VWDE: variants seen among roughly 807,000 people sequenced by gnomAD.
VWDE encodes von Willebrand factor D and EGF domain-containing protein.
In VWDE, 207 loss-of-function variants were observed where a neutral mutation model predicts 178.4. The ratio of observed to expected loss-of-function variants is 1.16; its 90% confidence interval spans 1.04 to 1.30. The LOEUF (loss-of-function observed/expected upper bound fraction) is 1.30, where lower values mean the gene tolerates loss of function less well. Ranked by LOEUF, VWDE falls within the 50% of genes most tolerant of loss-of-function variation. VWDE has a pLI of 0.00. For synonymous variants in VWDE, 738 were observed against 651.4 expected (o/e 1.13, Z -2.02); for missense variants, 2,287 against 1,901.3 (o/e 1.20, Z -3.77).
rs1409722910 is a variant in VWDE at position 12,369,536 on chromosome 7, C to A, written c.2761+9G>T. ...CATGCAATATCAAACTTTGAGAGTACTTACTTACCATAGGAATCACTGCAG... is the reference window on the plus strand; with the variant it reads ...CATGCAATATCAAACTTTGAGAGTAATTACTTACCATAGGAATCACTGCAG... On this transcript the variant is annotated intron_variant, in intron 12 of 28. Transcript: ENST00000275358. 6.6e-7 allele frequency: 1 copy of A among 1,508,668 alleles called. No homozygotes were observed. Among genetic ancestry groups the A allele is most frequent in the South Asian group, 1.3e-5 (1 of 77,204 alleles). The allele number at this position is 1,508,668 out of a possible 1,614,324, so 93.5% of individuals were successfully genotyped here. A position where few individuals can be genotyped will look rare whatever the true frequency, so the allele number is the denominator to read the frequency against.
intron 23 of VWDE, among the ~76,000 whole-genome samples, 155 bp from the exon 24 acceptor site, chr7:12,340,572 G>C (rs1349523912): frequency 6.6e-6 from 1 of 152,142 alleles, no homozygotes; most frequent in East Asian, 1.9e-4. Flanking sequence ...CCAAACATAA[G>C]AGGAATGAAA....
At position 12,344,422 on chromosome 7, in the gene VWDE, T is replaced by C; in HGVS notation, c.3934A>G (p.Asn1312Asp). The C allele has an allele frequency of 1.3e-6, 2 of 1,551,002 alleles. No individual in the cohort carries two copies. Among genetic ancestry groups the C allele is most frequent in the Non-Finnish European group, 1.7e-6 (2 of 1,146,618 alleles). Residue 1312 changes from asparagine (N) to aspartate (D), a missense_variant, in exon 20 of 29, where the codon AAC (asparagine) becomes GAC (aspartate). Physicochemically the swap from Asn to Asp is conservative, Grantham distance 23. Transcript: ENST00000275358. ...TAACCAGGTTTACATTTGCAGATGTTTGGGGCAACACACTCCCTACTTTTT... is the reference window on the plus strand; with the variant it reads ...TAACCAGGTTTACATTTGCAGATGTCTGGGGCAACACACTCCCTACTTTTT... ...CGKSRECVAP[N>D]ICKCKPGYIG...
In VWDE at chr7:12,377,868, C is replaced by A. The variant is rs1422735408; in HGVS notation, c.932G>T (p.Arg311Met). 1 of 1,526,188 alleles carries A rather than the reference C, an allele frequency of 6.6e-7. No homozygotes were observed. The highest frequency in any genetic ancestry group is 2.1e-5 in the Admixed American group (1 of 47,994). 94.5% of individuals were successfully genotyped at this position (1,526,188 alleles called of 1,614,324 possible). Reference protein sequence around the residue: ...ISEDGKEYYLRIESTVPIICS... With the variant: ...ISEDGKEYYLMIESTVPIICS... ...AATAATAGGAACTGTGCTTTCTATC[C>A]TCAGGTAGTATTCTTTCCCATCCTC... The change falls in exon 7 of 29, where the codon AGG becomes ATG. Residue 311 changes from arginine to methionine, a missense_variant. Transcript: ENST00000275358.
In VWDE at chr7:12,351,691, T is replaced by A; in HGVS notation, c.3768A>T (p.Gln1256His). 1 of 1,547,298 alleles carries A rather than the reference T, an allele frequency of 6.5e-7. No homozygotes were observed. The highest frequency in any genetic ancestry group is 8.7e-7 in the Non-Finnish European group (1 of 1,145,538). ...TGAGAACCACAGTTTGTGTAGTAAA[T>A]TGATTTACAAACTGTGTTTCAACTG... The part of the protein sequence containing the change: ...ELKVETQFVN[Q>H]FTTQTVVLTR... Residue 1256 changes from glutamine to histidine, a missense_variant, in exon 19 of 29, where the codon CAA becomes CAT. Physicochemically the swap from Gln to His is conservative, Grantham distance 24. Coordinates refer to ENST00000275358, the MANE Select transcript of VWDE (RefSeq NM_001135924.3).
chr7:12,401,597 C>G (rs1784896488), intron 1 of VWDE, among the ~76,000 whole-genome samples: 1 of 152,098 alleles, frequency 6.6e-6, no homozygotes, highest in Non-Finnish European at 1.5e-5. Flanking sequence ...TGAAATACCA[C>G]TTCACAACCA....
chr7:12,354,310 C>A (rs913907301), intron 18 of VWDE: 1 of 390,966 alleles, frequency 2.6e-6, no homozygotes, highest in Non-Finnish European at 4.9e-6. Context: ...TAATTAACTG[C>A]AGCAAAAAAA....
chr7:12,397,988 G>A (rs1013940756), intron 1 of VWDE, among the ~76,000 whole-genome samples: 1 of 152,182 alleles, frequency 6.6e-6, no homozygotes, highest in Non-Finnish European at 1.5e-5. Context: ...CAGTCACTAT[G>A]AAAAGCAGTT....
At chr7:12,355,415 C>CAAA (rs5882357) in intron 18 of VWDE, among the ~76,000 whole-genome samples, 2 of 139,746 alleles carry the variant, frequency 1.4e-5, no homozygotes, top group Non-Finnish European at 1.6e-5. Flanking sequence ...AACTCCGTCT[C>CAAA]AAAAAAAAAA....
Position 12,370,707 on chromosome 7 carries a change from A to G in VWDE, c.1745T>C (p.Met582Thr), listed in dbSNP as rs1783141385. The change falls in exon 11 of 29, where the codon ATG becomes ACG. Residue 582 changes from methionine (M) to threonine (T), a missense_variant. By Grantham distance (81) the Met-to-Thr change is moderately conservative (BLOSUM62 -1). Transcript: ENST00000275358. ...ATTGTTAAAATTTTGATCAATTTGC[A>G]TCCCATTTTTGTCATGGAAATCATT... ...PENDFHDKNG[M>T]QIDQNFNNYV... is the part of the protein sequence containing the mutation. 2.6e-6 allele frequency: 4 copies of G among 1,551,112 alleles called. No homozygotes were observed. The highest frequency in any genetic ancestry group is 2.0e-5 in the Admixed American group (1 of 50,922).
At chr7:12,396,526 A>G (rs1180141626) in intron 1 of VWDE, among the ~76,000 whole-genome samples, 1 of 152,208 alleles carries the variant, frequency 6.6e-6, no homozygotes, top group East Asian at 1.9e-4. Flanking sequence ...TTTGATCCCC[A>G]AATGTAATGA....
chr7:12,390,452 A>G (rs1003463175), intron 2 of VWDE, among the ~76,000 whole-genome samples: 2 of 151,966 alleles, frequency 1.3e-5, no homozygotes, highest in Non-Finnish European at 2.9e-5. Context: ...AGTAATGGCT[A>G]AAAAATCGTT....
At chr7:12,364,068 G>C (rs184415602) in intron 13 of VWDE, among the ~76,000 whole-genome samples, 4 of 152,084 alleles carry the variant, frequency 2.6e-5, no homozygotes, top group Admixed American at 6.6e-5. Context: ...TGGATCATGA[G>C]AGCCAGTTTT....
Position 12,369,621 on chromosome 7 carries a change from G to A in VWDE, c.2685C>T (p.Ser895=), listed in dbSNP as rs1392423746. ...LSVLKCPNLC[S]GNGQCMEWGC... The stretch of plus-strand genomic sequence containing the variant: ...CCCATTCCATGCACTGCCCATTGCC[G>A]CTGCATAAATTGGGGCATTTTAATA... Residue 895 remains serine, a synonymous_variant, in exon 12 of 29, where the codon AGC becomes AGT. Transcript: ENST00000275358. 10 of 1,551,288 alleles carry A rather than the reference G, an allele frequency of 6.4e-6. No homozygotes were observed. Among genetic ancestry groups the A allele is most frequent in the African/African-American group, 2.7e-5 (2 of 72,968 alleles).
In VWDE at chr7:12,331,174, T is replaced by G; in HGVS notation, c.*9A>C. Reference sequence around the variant, plus strand: ...GATACAGGCTTGTAATTCATATACTTGATGCTACTCAATGGCGTCTTATCT... The same window carrying G: ...GATACAGGCTTGTAATTCATATACTGGATGCTACTCAATGGCGTCTTATCT... On this transcript the variant is annotated 3_prime_UTR_variant, in exon 29 of 29. Coordinates refer to ENST00000275358, the MANE Select transcript of VWDE (RefSeq NM_001135924.3). 6.5e-7 allele frequency: 1 copy of G among 1,541,230 alleles called. No individual in the cohort carries two copies. Among genetic ancestry groups the G allele is most frequent in the Non-Finnish European group, 8.8e-7 (1 of 1,140,166 alleles).
chr7:12,359,540 T>C, intron 16 of VWDE, 38 bp downstream of exon 16: 1 of 1,367,170 alleles, frequency 7.3e-7, no homozygotes, highest in Non-Finnish European at 1.0e-6. Context: ...TAAAATGTCT[T>C]GTATAGGAAA....
intron 1 of VWDE, among the ~76,000 whole-genome samples, chr7:12,402,429 T>C (rs2128566611): frequency 6.6e-6 from 1 of 152,344 alleles, no homozygotes; most frequent in African/African-American, 2.4e-5. Context: ...CATAAAGAAC[T>C]TGACAATGTT....
At chr7:12,341,419 G>A (rs1781322052) in intron 23 of VWDE, among the ~76,000 whole-genome samples, 1 of 152,092 alleles carries the variant, frequency 6.6e-6, no homozygotes, top group South Asian at 2.1e-4. Context: ...GGATCACGAG[G>A]TCAGGAGTTT....
chr7:12,338,195 T>C (rs2128545324), intron 24 of VWDE, among the ~76,000 whole-genome samples: 1 of 152,048 alleles, frequency 6.6e-6, no homozygotes, highest in African/African-American at 2.4e-5. Context: ...ATGGAAATAA[T>C]ATAGAACTTT....
rs570571049 is a variant in VWDE, at chr7:12,370,401, G to A, written c.1905C>T (p.Ser635=). 232 of 1,548,954 alleles carry A rather than the reference G, an allele frequency of 1.5e-4. 1 individual carries two copies. The highest frequency in any genetic ancestry group is 1.2e-3 in the South Asian group (100 of 84,050). The change falls in exon 12 of 29, where the codon TCC becomes TCT. Residue 635 remains serine (S), a synonymous_variant. Transcript: ENST00000275358. The part of the protein sequence containing the change: ...CSLDTAAYPS[S]EDLDSVSRSE... ...ATCGAGAAACACTGTCCAGATCTTCGGAAGACGGATACGCTGCAGTGTCCA... is the reference window on the plus strand; with the variant it reads ...ATCGAGAAACACTGTCCAGATCTTCAGAAGACGGATACGCTGCAGTGTCCA...
Sources: allele counts gnomAD v4.1 joint callset (sites outside exome capture counted in the v4.1 genomes callset), GRCh38; gene constraint gnomAD v4.1.1; transcripts MANE v1.5; gene names NCBI Gene and HGNC (gene_info 2026-07-23, HGNC 2026-07-21).